The following RNF213 variants were observed in gnomAD, a reference collection of about 807,000 sequenced individuals.
RNF213 encodes ring finger protein 213.
A neutral mutation model predicts 514.4 loss-of-function variants in RNF213; 341 were observed. That is an observed-to-expected ratio of 0.66 (90% CI 0.61 to 0.73). The LOEUF is 0.73. RNF213 is among the 30% of genes least tolerant of loss of function. RNF213 has a pLI of 0.00. For missense variants in RNF213, 5,767 were observed against 6,615.6 expected (o/e 0.87, Z 4.45); for synonymous variants, 2,655 against 2,658.2 (o/e 1.00, Z 0.04).
chr17:80,386,385 A>G lies in RNF213; in HGVS notation c.14675A>G (p.Asn4892Ser). 6.2e-7 allele frequency: 1 copy of G among 1,614,156 alleles called. No homozygotes were observed. The highest frequency in any genetic ancestry group is 8.5e-7 in the Non-Finnish European group (1 of 1,180,034). The change falls in exon 62 of 68, where the codon AAT (asparagine) becomes AGT (serine). Residue 4892 changes from asparagine to serine, a missense_variant. Around this residue, in one of 13 missense-constraint regions of RNF213, gnomAD observed 1,245 missense variants for 1,339.0 expected, o/e 0.93. Coordinates refer to ENST00000582970, the MANE Select transcript of RNF213 (RefSeq NM_001256071.3). ...GTCAGCTACTTGATTCGCCTACACA[A>G]TGAAATTGTCTACGCCGTGGAAAAA... is the stretch of plus-strand genomic sequence containing the variant. Reference protein sequence around the residue: ...ALVSYLIRLHNEIVYAVEKLS... With the variant: ...ALVSYLIRLHSEIVYAVEKLS...
In RNF213 at chr17:80,376,794, C is replaced by T. The variant is rs951847652; in HGVS notation, c.13429-88C>T. On this transcript the variant is annotated intron_variant, in intron 52 of 67. Transcript: ENST00000582970. ...TCCAGCAGAAGGAAAGCAGAGTTCC[C>T]TTTCTTCCTCTAGGCCTCCTGCTGA... 6.4e-6 allele frequency: 8 copies of T among 1,246,188 alleles called. No individual in the cohort carries two copies. The East Asian group carries it at 1.9e-4, about 30-fold the overall frequency. 77.2% of individuals were successfully genotyped at this position (1,246,188 alleles called of 1,614,324 possible). A position where few individuals can be genotyped will look rare whatever the true frequency, so the allele number is the denominator to read the frequency against.
In RNF213 at chr17:80,343,036, G is replaced by A. The variant is rs1464003273; in HGVS notation, c.5990-96G>A. 5 of 991,720 alleles carry A rather than the reference G, an allele frequency of 5.0e-6. No homozygotes were observed. Among genetic ancestry groups the A allele is most frequent in the Non-Finnish European group, 7.9e-6 (5 of 629,640 alleles). 61.4% of individuals were successfully genotyped at this position (991,720 alleles called of 1,614,324 possible). A position where few individuals can be genotyped will look rare whatever the true frequency, so the allele number is the denominator to read the frequency against. ...TTGACCAGGCTGGCTTTGAACTCCT[G>A]ACCTCAAGTGATCCCCCCGCCTCGG... On this transcript the variant is annotated intron_variant, in intron 26 of 67. Coordinates refer to ENST00000582970, the MANE Select transcript of RNF213 (RefSeq NM_001256071.3). The surrounding 1 kb of genome is among the most constrained non-coding windows in gnomAD (Gnocchi z 4.3).
chr17:80,267,840 G>A (rs1251017210), intron 2 of RNF213, among the ~76,000 whole-genome samples: 1 of 137,068 alleles, frequency 7.3e-6, no homozygotes, highest in Non-Finnish European at 1.5e-5. Context: ...TTTTTTTTGA[G>A]ACAGGGTCTT....
intron 13 of RNF213, 30 bp from the exon 14 acceptor site, chr17:80,308,988 C>G: frequency 6.2e-7 from 1 of 1,613,050 alleles, no homozygotes; most frequent in East Asian, 2.2e-5. Flanking sequence ...AAATCCTTGC[C>G]GGGATTTCTC....
At position 80,357,783 on chromosome 17, in the gene RNF213, T is replaced by TAGG. The variant is rs1445041360; in HGVS notation, c.10863-504_10863-502dup. 2.6e-5 allele frequency among the ~76,000 whole-genome samples: 4 copies of TAGG among 152,300 alleles called. No homozygotes were observed. In the East Asian group the frequency reaches 7.7e-4, roughly 29 times the overall value. ...GCCCAGGAGTTTGAGACCAGCCAGC[T>TAGG]AGGGCAACATAGTGAGACCCCATCT... On this transcript the variant is annotated intron_variant, in intron 36 of 67. Transcript: ENST00000582970.
intron 28 of RNF213, 146 bp from the exon 29 acceptor site, chr17:80,344,531 GA>G: frequency 2.0e-5 from 18 of 895,608 alleles, no homozygotes; most frequent in East Asian, 2.4e-5. Flanking sequence ...ATATGCTGTG[GA>G]AAAAAAGACT....
At chr17:80,324,025 A>G (rs2143883120) in intron 17 of RNF213, among the ~76,000 whole-genome samples, 1 of 152,284 alleles carries the variant, frequency 6.6e-6, no homozygotes, top group Middle Eastern at 3.4e-3. Flanking sequence ...TTTTCTATAC[A>G]TAAGATCATA....
chr17:80,319,180 A>C lies in RNF213; in HGVS notation c.2902-10A>C. 6 of 1,614,028 alleles carry C rather than the reference A, an allele frequency of 3.7e-6. No individual in the cohort carries two copies. The highest frequency in any genetic ancestry group is 4.2e-6 in the Non-Finnish European group (5 of 1,179,994). On this transcript the variant is annotated splice_polypyrimidine_tract_variant and intron_variant, in intron 16 of 67. Coordinates refer to ENST00000582970, the MANE Select transcript of RNF213 (RefSeq NM_001256071.3). ...AAAGCTCTGAAACCACCCCCCTTTG[A>C]TTTTTGCAGGAGGAACCCCTCTCCC...
chr17:80,300,820 G>A (rs939147803), intron 11 of RNF213, among the ~76,000 whole-genome samples: 21 of 151,848 alleles, frequency 1.4e-4, no homozygotes, highest in Non-Finnish European at 8.8e-5. Context: ...CCAAAGTGCT[G>A]GGATTGCATG....
rs762621760 is a variant in RNF213 at position 80,367,858 on chromosome 17, T to C, written c.11972+10T>C. 6.2e-7 allele frequency: 1 copy of C among 1,614,086 alleles called. No individual in the cohort carries two copies. The highest frequency in any genetic ancestry group is 8.5e-7 in the Non-Finnish European group (1 of 1,179,894). On this transcript the variant is annotated intron_variant, in intron 43 of 67. Coordinates refer to ENST00000582970, the MANE Select transcript of RNF213 (RefSeq NM_001256071.3). ...GCAAGACCCTCAGCAGGTGAGACCTTAGGTTTGGATCTGTGAAGGCGAGAA... is the reference window on the plus strand; with the variant it reads ...GCAAGACCCTCAGCAGGTGAGACCTCAGGTTTGGATCTGTGAAGGCGAGAA...
chr17:80,298,903 C>T (rs971441324), intron 11 of RNF213: 5 of 284,264 alleles, frequency 1.8e-5, no homozygotes, highest in Admixed American at 4.9e-5. Context: ...CACTAGAACC[C>T]GGGAGGTGGA....
intron 3 of RNF213, among the ~76,000 whole-genome samples, chr17:80,277,385 G>T (rs545852277): frequency 6.6e-6 from 1 of 151,958 alleles, no homozygotes; most frequent in Non-Finnish European, 1.5e-5. Context: ...ATCACTTGAG[G>T]TCAGGAGTTC....
Position 80,375,848 on chromosome 17 carries a change from C to T in RNF213, c.13163C>T (p.Ala4388Val), listed in dbSNP as rs1356553374. The change falls in exon 51 of 68, where the codon GCA (alanine) becomes GTA (valine). Residue 4388 changes from alanine to valine, a missense_variant. Around this residue, in one of 13 missense-constraint regions of RNF213, gnomAD observed 1,245 missense variants for 1,339.0 expected, o/e 0.93. Transcript: ENST00000582970. ...EVAILYRSHN[A>V]SLHPTPEQCE... ...GCTATTTTGTACAGATCCCACAATG[C>T]AAGCCTCCACCCCACGCCAGAGGTG... The T allele has an allele frequency of 1.9e-6, 3 of 1,613,184 alleles. No homozygotes were observed. Among genetic ancestry groups the T allele is most frequent in the East Asian group, 2.2e-5 (1 of 44,876 alleles).
chr17:80,374,692 G>T, intron 50 of RNF213, 103 bp downstream of exon 50: 1 of 1,412,146 alleles, frequency 7.1e-7, no homozygotes. Flanking sequence ...GACCACTGAT[G>T]CAGCCCATCA....
rs936569807 is a variant in RNF213 at position 80,351,547 on chromosome 17, G to C, written c.10185-138G>C. 4.8e-6 allele frequency: 3 copies of C among 622,540 alleles called. No individual in the cohort carries two copies. The Admixed American group carries it at 7.9e-5, about 16-fold the overall frequency. 38.6% of individuals were successfully genotyped at this position (622,540 alleles called of 1,614,324 possible). Reference sequence around the variant, plus strand: ...TCTGAAGTTTATGTAAAACTCATCGGAACGGGTGGCCGTGAGACCGAACCA... The same window carrying C: ...TCTGAAGTTTATGTAAAACTCATCGCAACGGGTGGCCGTGAGACCGAACCA... On this transcript the variant is annotated intron_variant, in intron 31 of 67. Coordinates refer to ENST00000582970, the MANE Select transcript of RNF213 (RefSeq NM_001256071.3).
chr17:80,269,152 G>A (rs1285557474), intron 2 of RNF213, among the ~76,000 whole-genome samples: 1 of 152,116 alleles, frequency 6.6e-6, no homozygotes, highest in Non-Finnish European at 1.5e-5. Context: ...TTCTAGCCAC[G>A]CTGGCAGCTG....
intron 2 of RNF213, among the ~76,000 whole-genome samples, chr17:80,272,343 CAG>C (rs2043852650): frequency 6.6e-6 from 1 of 152,150 alleles, no homozygotes; most frequent in Non-Finnish European, 1.5e-5. Context: ...ATTTAGCTCA[CAG>C]TTCTGCAGAC....
At chr17:80,389,051 C>T in intron 64 of RNF213, 122 bp from the exon 65 acceptor site, 1 of 917,458 alleles carries the variant, frequency 1.1e-6, no homozygotes, top group Non-Finnish European at 1.8e-6. Flanking sequence ...CAAGTGTCAG[C>T]TGTTAGAGAG....
At chr17:80,337,487 C>T (rs2144036641) in intron 23 of RNF213, 99 bp from the exon 24 acceptor site, 1 of 1,455,930 alleles carries the variant, frequency 6.9e-7, no homozygotes, top group East Asian at 2.5e-5. Context: ...GGGGAGAAGG[C>T]TCTGCAGCGA....
Sources: gnomAD v4.1 joint callset for allele counts (sites outside exome capture counted in the v4.1 genomes callset) on GRCh38, gnomAD v4.1.1 for gene constraint, gnomAD v4.1.1 regional missense constraint, Gnocchi (gnomAD v3.1) non-coding constraint, MANE v1.5 for transcripts, NCBI Gene and HGNC (gene_info 2026-07-23, HGNC 2026-07-21) for gene names.